The following GNG7 variants were observed in gnomAD, a reference collection of about 807,000 sequenced individuals.
The protein encoded by GNG7 is G protein subunit gamma 7.
Under a neutral mutation model 4.0 loss-of-function variants are expected in GNG7, and 1 was observed. That is an observed-to-expected ratio of 0.25 (90% CI 0.09 to 1.18). The LOEUF is 1.18. Among genes scored for constraint, GNG7 ranks in the 50% most tolerant of loss-of-function variants. GNG7 has a pLI of 0.50. For missense variants in GNG7, 86 were observed against 91.9 expected, an observed-to-expected ratio of 0.94 and a Z score of 0.26; for synonymous variants, 34 against 36.9, an observed-to-expected ratio of 0.92 and a Z score of 0.29.
chr19:2,689,277 A>T (rs1194021779), intron 1 of GNG7, among the ~76,000 whole-genome samples: 1 of 151,824 alleles, frequency 6.6e-6, no homozygotes, highest in Admixed American at 6.6e-5. Flanking sequence ...ATTATATAAA[A>T]TTGTTCCCAA....
intron 2 of GNG7, among the ~76,000 whole-genome samples, chr19:2,607,015 T>G (rs1281430709): frequency 6.7e-6 from 1 of 149,886 alleles, no homozygotes; most frequent in African/African-American, 2.5e-5. Context: ...GAGCCCAGGA[T>G]TTTGAGACCA....
At chr19:2,696,697 G>A (rs970589465) in intron 1 of GNG7, among the ~76,000 whole-genome samples, 1 of 152,232 alleles carries the variant, frequency 6.6e-6, no homozygotes, top group African/African-American at 2.4e-5. Flanking sequence ...CACGCAGTGA[G>A]AGACACCAGA....
chr19:2,513,588 C>T lies in GNG7; in HGVS notation c.*1434G>A. 1 of 985,484 alleles carries T rather than the reference C, an allele frequency of 1.0e-6. No homozygotes were observed. The highest frequency in any genetic ancestry group is 1.2e-6 in the Non-Finnish European group (1 of 829,946). 61.0% of individuals were successfully genotyped at this position (985,484 alleles called of 1,614,324 possible). A position where few individuals can be genotyped will look rare whatever the true frequency, so the allele number is the denominator to read the frequency against. ...GTGGCCCATCCTGCGTCTAAGGCAT[C>T]TCCCGGCCTCAGACAGCCGTCCTGG... On this transcript the variant is annotated 3_prime_UTR_variant, in exon 5 of 5. Coordinates refer to ENST00000382159, the MANE Select transcript of GNG7 (RefSeq NM_052847.3).
intron 1 of GNG7, among the ~76,000 whole-genome samples, chr19:2,665,160 T>C (rs1481807429): frequency 1.3e-5 from 2 of 152,136 alleles, no homozygotes; most frequent in Non-Finnish European, 2.9e-5. Flanking sequence ...GGAAGCAGAC[T>C]CCATTTCTTC....
At chr19:2,623,743 T>C (rs981097975) in intron 2 of GNG7, among the ~76,000 whole-genome samples, 3 of 152,122 alleles carry the variant, frequency 2.0e-5, no homozygotes, top group African/African-American at 7.2e-5. Flanking sequence ...TAGCCGGGCA[T>C]AGTGGCAGGT....
intron 4 of GNG7, among the ~76,000 whole-genome samples, chr19:2,515,426 T>G (rs1972720027): frequency 1.5e-5 from 1 of 65,998 alleles, no homozygotes. Flanking sequence ...TGTGATCCCA[T>G]TTCTTTCTTT....
intron 1 of GNG7, among the ~76,000 whole-genome samples, chr19:2,661,302 G>GAAAGAAAGAGAAAGAAAGAA: frequency 1.4e-5 from 1 of 73,122 alleles, no homozygotes; most frequent in African/African-American, 5.4e-5. Context: ...AAGAAAGAAA[G>GAAAGAAAGAGAAAGAAAGAA]AGAAAGAAAG....
At position 2,609,745 on chromosome 19, in the gene GNG7, G is replaced by T. The variant is rs988481245; in HGVS notation, c.-78+36479C>A. Reference sequence around the variant, plus strand: ...AGAGCCCCAGCAAACCATCACGCTGGGTTAAAGGAACTGGTCCCCAGAGCT... The same window carrying T: ...AGAGCCCCAGCAAACCATCACGCTGTGTTAAAGGAACTGGTCCCCAGAGCT... On this transcript the variant is annotated intron_variant, in intron 2 of 4. Coordinates refer to ENST00000382159, the MANE Select transcript of GNG7 (RefSeq NM_052847.3). The surrounding 1 kb of genome is among the most constrained non-coding windows in gnomAD (Gnocchi z 4.4). Among the ~76,000 whole-genome samples, 3 of 152,126 alleles carry T rather than the reference G, an allele frequency of 2.0e-5. No homozygotes were observed. The highest frequency in any genetic ancestry group is 4.4e-5 in the Non-Finnish European group (3 of 68,016).
chr19:2,648,870 G>GT (rs1374892582), intron 1 of GNG7, among the ~76,000 whole-genome samples: 91 of 148,592 alleles, frequency 6.1e-4, no homozygotes, highest in African/African-American at 2.1e-3. Flanking sequence ...TCTGAATCAT[G>GT]TGTTTTTTTT....
chr19:2,604,815 G>A (rs1981329572), intron 2 of GNG7, among the ~76,000 whole-genome samples: 1 of 152,152 alleles, frequency 6.6e-6, no homozygotes, highest in African/African-American at 2.4e-5. Context: ...CAGGGCAGTG[G>A]CGAGAAGGAA....
At position 2,633,967 on chromosome 19, in the gene GNG7, ACCC is replaced by A. The variant is rs1294494562; in HGVS notation, c.-78+12254_-78+12256del. ...GGGTGCAAAATTGCCCCGAGTTGAG[ACCC>A]CCTGGGATAGGGGATTCCACGGACC... On this transcript the variant is annotated intron_variant, in intron 2 of 4. Coordinates refer to ENST00000382159, the MANE Select transcript of GNG7 (RefSeq NM_052847.3). This position sits in a 1 kb window ranked among gnomAD's most constrained non-coding sequence, Gnocchi z 5.9. Among the ~76,000 whole-genome samples, 2 of 151,010 alleles carry A rather than the reference ACCC, an allele frequency of 1.3e-5. No homozygotes were observed. The highest frequency in any genetic ancestry group is 4.9e-5 in the African/African-American group (2 of 40,990).
intron 2 of GNG7, chr19:2,610,055 G>A (rs1234135767): frequency 6.6e-6 from 1 of 152,190 alleles, no homozygotes; most frequent in Non-Finnish European, 1.5e-5. Flanking sequence ...ACCGGGTCAA[G>A]ATGATGACAG....
At chr19:2,660,790 C>T (rs1188198430) in intron 1 of GNG7, among the ~76,000 whole-genome samples, 1 of 151,012 alleles carries the variant, frequency 6.6e-6, no homozygotes, top group Non-Finnish European at 1.5e-5. Context: ...GACCCTGTCT[C>T]AAATAAATAA....
intron 2 of GNG7, among the ~76,000 whole-genome samples, chr19:2,604,753 A>G (rs1418384599): frequency 6.6e-6 from 1 of 152,070 alleles, no homozygotes; most frequent in Non-Finnish European, 1.5e-5. Flanking sequence ...ACACCACCCC[A>G]AGTTCAAGAA....
At chr19:2,686,082 T>C (rs1298564469) in intron 1 of GNG7, among the ~76,000 whole-genome samples, 1 of 152,072 alleles carries the variant, frequency 6.6e-6, no homozygotes, top group South Asian at 2.1e-4. Flanking sequence ...AGGGGTGTCA[T>C]CTTGGTCCCA....
At chr19:2,525,865 G>A (rs1315049744) in intron 3 of GNG7, among the ~76,000 whole-genome samples, 3 of 151,754 alleles carry the variant, frequency 2.0e-5, no homozygotes, top group African/African-American at 2.4e-5. Context: ...GCTGAAGTGC[G>A]GTGGCGCGAT....
chr19:2,684,645 G>A (rs117937775), intron 1 of GNG7, among the ~76,000 whole-genome samples: 162 of 152,276 alleles, frequency 1.1e-3, no homozygotes, highest in Non-Finnish European at 2.0e-3. Flanking sequence ...CACATCCTCC[G>A]TGATCCACTC....
chr19:2,648,077 A>G (rs1385475156), intron 1 of GNG7, among the ~76,000 whole-genome samples: 1 of 151,530 alleles, frequency 6.6e-6, no homozygotes, highest in Non-Finnish European at 1.5e-5. Flanking sequence ...ATAGGATCCT[A>G]AAACAGAAAA....
At chr19:2,531,681 G>C (rs1210662132) in intron 3 of GNG7, among the ~76,000 whole-genome samples, 2 of 151,376 alleles carry the variant, frequency 1.3e-5, no homozygotes, top group East Asian at 2.0e-4. Context: ...TGAGGCAGGA[G>C]AGTGGCATGA....
Sources: allele counts gnomAD v4.1 joint callset (sites outside exome capture counted in the v4.1 genomes callset), GRCh38; gene constraint gnomAD v4.1.1; non-coding constraint Gnocchi (gnomAD v3.1); transcripts MANE v1.5; gene names NCBI Gene and HGNC (gene_info 2026-07-23, HGNC 2026-07-21).